The following AK1 variants were observed in gnomAD, a reference collection of about 807,000 sequenced individuals.
AK1 encodes the protein adenylate kinase 1.
A neutral mutation model predicts 23.9 loss-of-function variants in AK1; 13 were observed. The ratio of observed to expected loss-of-function variants is 0.54; its 90% confidence interval spans 0.35 to 0.86. The LOEUF (loss-of-function observed/expected upper bound fraction) is 0.86. Among genes scored for constraint, AK1 ranks in the 40% least tolerant of loss-of-function variants. The pLI, the probability that AK1 is intolerant of heterozygous loss-of-function variation, is 0.01. For missense variants in AK1, 214 were observed against 255.1 expected (o/e 0.84, Z 1.10); for synonymous variants, 97 against 102.8 (o/e 0.94, Z 0.34).
chr9:127,870,263 G>A (rs3780661), intron 5 of AK1, among the ~76,000 whole-genome samples: 21,835 of 148,768 alleles, frequency 0.15, 1,899 homozygotes, highest in South Asian at 0.38. Flanking sequence ...GTGCAATGGC[G>A]TGATCTTGGC....
In AK1 at chr9:127,872,812, C is replaced by G. The variant is rs150701679; in HGVS notation, c.85G>C (p.Val29Leu). The change falls in exon 4 of 7, where the codon GTG (valine) becomes CTG (leucine). Residue 29 changes from valine to leucine, a missense_variant. Transcript: ENST00000644144. ...AGGTGGGTGTAGCCATACTTCTGCACGATCTTCTCACACTGGGTGCCCTTC... is the reference window on the plus strand; with the variant it reads ...AGGTGGGTGTAGCCATACTTCTGCAGGATCTTCTCACACTGGGTGCCCTTC... ...SGKGTQCEKI[V>L]QKYGYTHLST... The G allele has an allele frequency of 9.9e-6, 16 of 1,613,994 alleles. No individual in the cohort carries two copies. Among genetic ancestry groups the G allele is most frequent in the East Asian group, 6.7e-5 (3 of 44,876 alleles).
At chr9:127,879,222 G>C (rs1306005926), upstream of AK1, among the ~76,000 whole-genome samples, 1 of 152,204 alleles carries the variant, frequency 6.6e-6, no homozygotes, top group South Asian at 2.1e-4. Flanking sequence ...CACAGCCACG[G>C]TGGGTGAGGA....
At chr9:127,876,552 C>T (rs897045428) in intron 1 of AK1, among the ~76,000 whole-genome samples, 4 of 152,178 alleles carry the variant, frequency 2.6e-5, no homozygotes, top group African/African-American at 4.8e-5. Context: ...TGTGCTTCAG[C>T]GGGGGTAGGA....
At chr9:127,873,381 C>CG (rs35921099) in intron 2 of AK1, 1 of 1,576,960 alleles carries the variant, frequency 6.3e-7, no homozygotes, top group Non-Finnish European at 8.6e-7. Flanking sequence ...GCCTGGACCC[C>CG]GGGGCCGGTC....
At chr9:127,876,189 CT>C (rs1829534377) in intron 1 of AK1, among the ~76,000 whole-genome samples, 1 of 152,214 alleles carries the variant, frequency 6.6e-6, no homozygotes, top group Non-Finnish European at 1.5e-5. Flanking sequence ...TTCAGGAAGC[CT>C]TCCTGGACTC....
rs901879314 is a variant in AK1 at position 127,868,602 on chromosome 9, T to C, written c.325-90A>G. 7 of 1,436,774 alleles carry C rather than the reference T, an allele frequency of 4.9e-6. No individual in the cohort carries two copies. The highest frequency in any genetic ancestry group is 1.9e-6 in the Non-Finnish European group (2 of 1,053,194). 89.0% of individuals were successfully genotyped at this position (1,436,774 alleles called of 1,614,324 possible). A position where few individuals can be genotyped will look rare whatever the true frequency, so the allele number is the denominator to read the frequency against. On this transcript the variant is annotated intron_variant, in intron 5 of 6. Coordinates refer to ENST00000644144, the MANE Select transcript of AK1 (RefSeq NM_000476.3). The surrounding 1 kb of genome is among the most constrained non-coding windows in gnomAD (Gnocchi z 4.1). ...TTCCCATCTATGAAGCCCCAGTAGATACCCCCTCAGACCTTCAATCCCTTC... is the reference window on the plus strand; with the variant it reads ...TTCCCATCTATGAAGCCCCAGTAGACACCCCCTCAGACCTTCAATCCCTTC...
In AK1 at chr9:127,874,791, G is replaced by A; in HGVS notation, c.-32-142C>T. ...AGAGGGGGCTGCTGGGGGCAGGGAA[G>A]GCCCAGGACCCCTTCCCTGAGAAAG... On this transcript the variant is annotated intron_variant, in intron 1 of 6. Coordinates refer to ENST00000644144, the MANE Select transcript of AK1 (RefSeq NM_000476.3). 4 of 820,994 alleles carry A rather than the reference G, an allele frequency of 4.9e-6. No homozygotes were observed. In the South Asian group the frequency reaches 6.2e-5, roughly 13 times the overall value. 50.9% of individuals were successfully genotyped at this position (820,994 alleles called of 1,614,324 possible). A position where few individuals can be genotyped will look rare whatever the true frequency, so the allele number is the denominator to read the frequency against.
intron 1 of AK1, among the ~76,000 whole-genome samples, chr9:127,875,557 C>A (rs763938367): frequency 7.2e-5 from 11 of 151,986 alleles, no homozygotes; most frequent in Non-Finnish European, 1.3e-4. Flanking sequence ...GGGACCTCCA[C>A]CCAAGGCACC....
intron 2 of AK1, chr9:127,874,409 T>C (rs906414218): frequency 4.1e-6 from 4 of 985,326 alleles, no homozygotes; most frequent in Non-Finnish European, 4.8e-6. Context: ...TGGGGAGGCC[T>C]CGTCACGTCT....
chr9:127,879,317 T>C (rs3758322), upstream of AK1, among the ~76,000 whole-genome samples: 1,038 of 152,068 alleles, frequency 6.8e-3, 12 homozygotes, highest in African/African-American at 0.021. Context: ...CAGACACCCA[T>C]AGCATTGGTA....
Position 127,868,591 on chromosome 9 carries a change from GC to G in AK1, c.325-80del. ...TCCTCCCCATCTTCCCATCTATGAAGCCCCAGTAGATACCCCCTCAGACCTT... is the reference window on the plus strand; with the variant it reads ...TCCTCCCCATCTTCCCATCTATGAAGCCCAGTAGATACCCCCTCAGACCTT... On this transcript the variant is annotated intron_variant, in intron 5 of 6. Transcript: ENST00000644144. The surrounding 1 kb of genome is among the most constrained non-coding windows in gnomAD (Gnocchi z 4.1). 1.3e-6 allele frequency: 2 copies of G among 1,487,568 alleles called. No homozygotes were observed. Among genetic ancestry groups the G allele is most frequent in the Non-Finnish European group, 1.8e-6 (2 of 1,097,270 alleles). The allele number at this position is 1,487,568 out of a possible 1,614,324, so 92.1% of individuals were successfully genotyped here.
rs1435522755 is a variant in AK1 at position 127,867,971 on chromosome 9, G to T, written c.*37C>A. 9 of 1,607,036 alleles carry T rather than the reference G, an allele frequency of 5.6e-6. No individual in the cohort carries two copies. Among genetic ancestry groups the T allele is most frequent in the Non-Finnish European group, 7.7e-6 (9 of 1,173,578 alleles). On this transcript the variant is annotated 3_prime_UTR_variant, in exon 7 of 7. Coordinates refer to ENST00000644144, the MANE Select transcript of AK1 (RefSeq NM_000476.3). The stretch of plus-strand genomic sequence containing the variant: ...AGGACCTCGAATCAGGACGGGGTGG[G>T]GCGGGGCTCTGAGCTGGGGAAGCGG...
rs1489791390 is a variant in AK1, at chr9:127,871,480, C to T, written c.324+343G>A. On this transcript the variant is annotated intron_variant, in intron 5 of 6. Transcript: ENST00000644144. This position sits in a 1 kb window ranked among gnomAD's most constrained non-coding sequence, Gnocchi z 4.4. The stretch of plus-strand genomic sequence containing the variant: ...AAGGGCACATCCTCTCCAGTCCCCA[C>T]ACTGTCCCTTAAGGCAGCTGTGACC... Among the ~76,000 whole-genome samples the T allele has an allele frequency of 7.3e-5, 11 of 151,530 alleles. No individual in the cohort carries two copies. Among genetic ancestry groups the T allele is most frequent in the Non-Finnish European group, 1.3e-4 (9 of 68,036 alleles).
chr9:127,875,439 C>A (rs1829516992), intron 1 of AK1, among the ~76,000 whole-genome samples: 1 of 150,774 alleles, frequency 6.6e-6, no homozygotes, highest in African/African-American at 2.4e-5. Flanking sequence ...ACACCTTTGG[C>A]CTCCACTTCT....
intron 2 of AK1, 54 bp from the exon 3 acceptor site, chr9:127,873,115 G>T: frequency 6.3e-7 from 1 of 1,595,312 alleles, no homozygotes; most frequent in Non-Finnish European, 8.5e-7. Context: ...CCCACAGCCA[G>T]AGGCACCTCT....
chr9:127,873,147 G>T (rs754761796), intron 2 of AK1, 86 bp from the exon 3 acceptor site: 1 of 1,565,288 alleles, frequency 6.4e-7, no homozygotes, highest in South Asian at 1.2e-5. Flanking sequence ...CCTGTGCTGG[G>T]CCCCAGGCGG....
chr9:127,875,846 C>G (rs538395483), intron 1 of AK1, among the ~76,000 whole-genome samples: 232 of 152,314 alleles, frequency 1.5e-3, no homozygotes, highest in Middle Eastern at 6.8e-3. Flanking sequence ...CGTCTGTCTC[C>G]TCACCACTAT....
At chr9:127,876,475 A>T (rs560706775) in intron 1 of AK1, among the ~76,000 whole-genome samples, 1 of 152,294 alleles carries the variant, frequency 6.6e-6, no homozygotes, top group South Asian at 2.1e-4. Context: ...ACCCAGTAGC[A>T]GCTGAAGTGG....
intron 1 of AK1, chr9:127,874,867 A>C: frequency 1.8e-6 from 1 of 560,032 alleles, no homozygotes. Context: ...TCTGGCCTCC[A>C]TGGCCTCACC....
Sources: allele counts gnomAD v4.1 joint callset (sites outside exome capture counted in the v4.1 genomes callset), GRCh38; gene constraint gnomAD v4.1.1; non-coding constraint Gnocchi (gnomAD v3.1); transcripts MANE v1.5; gene names NCBI Gene and HGNC (gene_info 2026-07-23, HGNC 2026-07-21).